The following ONECUT3 variants were observed in gnomAD, a reference collection of about 807,000 sequenced individuals.
ONECUT3 encodes the protein one cut homeobox 3, also known as one cut domain family member 3.
A neutral mutation model predicts 16.8 loss-of-function variants in ONECUT3; 11 were observed. The ratio of observed to expected loss-of-function variants is 0.66; its 90% confidence interval spans 0.41 to 1.09. The LOEUF is 1.09. Among genes scored for constraint, ONECUT3 ranks in the 50% least tolerant of loss-of-function variants. ONECUT3 has a pLI of 0.00. For missense variants in ONECUT3, 637 were observed against 629.9 expected, an observed-to-expected ratio of 1.01 and a Z score of -0.12; for synonymous variants, 344 against 310.7, an observed-to-expected ratio of 1.11 and a Z score of -1.13.
At chr19:1,765,215 G>T (rs1274373261) in intron 1 of ONECUT3, among the ~76,000 whole-genome samples, 1 of 152,120 alleles carries the variant, frequency 6.6e-6, no homozygotes, top group Admixed American at 6.5e-5. Context: ...GGACCTTGGG[G>T]ACCCCCCAGG....
At chr19:1,768,964 G>A (rs1227245795) in intron 1 of ONECUT3, among the ~76,000 whole-genome samples, 3 of 151,850 alleles carry the variant, frequency 2.0e-5, no homozygotes, top group Admixed American at 2.0e-4. Flanking sequence ...TGCTGGAGGT[G>A]GAGGTAATGG....
chr19:1,778,903 CACACACACA>C lies in ONECUT3; in HGVS notation c.*3459_*3467del, dbSNP rs2068133638. The C allele has an allele frequency of 6.6e-6, 1 of 151,842 alleles. No homozygotes were observed. The highest frequency in any genetic ancestry group is 1.5e-5 in the Non-Finnish European group (1 of 68,448). 9.4% of individuals were successfully genotyped at this position (151,842 alleles called of 1,614,324 possible). The stretch of plus-strand genomic sequence containing the variant: ...ACACACACACACACACACACACACA[CACACACACA>C]CCCCTACCTGTTTCCGGACCCCACC... On this transcript the variant is annotated 3_prime_UTR_variant, in exon 2 of 2. Transcript: ENST00000382349.
Position 1,776,132 on chromosome 19 carries a change from G to A in ONECUT3, c.*687G>A, listed in dbSNP as rs1276456982. ...TGCCTTAAAGTCTGGGGAGGGGCCT[G>A]CGGCGGGCGCCCAGCACCTACGGGC... On this transcript the variant is annotated 3_prime_UTR_variant, in exon 2 of 2. Transcript: ENST00000382349. This position sits in a 1 kb window ranked among gnomAD's most constrained non-coding sequence, Gnocchi z 4.9. The A allele has an allele frequency of 6.6e-6, 1 of 152,158 alleles. No homozygotes were observed. The highest frequency in any genetic ancestry group is 2.4e-5 in the African/African-American group (1 of 41,416). The allele number at this position is 152,158 out of a possible 1,614,324, so 9.4% of individuals were successfully genotyped here.
In ONECUT3 at chr19:1,754,610, A is replaced by C; in HGVS notation, c.948A>C (p.Ala316=). The part of the protein sequence containing the change: ...GGSGGGPSAG[A]AAEEINTKEV... ...GCGGCGGCGGCCCCAGCGCGGGCGC[A>C]GCGGCCGAGGAGATCAACACCAAGG... Residue 316 remains alanine (A), a synonymous_variant, in exon 1 of 2, where the codon GCA becomes GCC. Coordinates refer to ENST00000382349, the MANE Select transcript of ONECUT3 (RefSeq NM_001080488.2). The surrounding 1 kb of genome is among the most constrained non-coding windows in gnomAD (Gnocchi z 7.4). The C allele has an allele frequency of 7.3e-7, 1 of 1,377,268 alleles. No homozygotes were observed. The highest frequency in any genetic ancestry group is 9.5e-7 in the Non-Finnish European group (1 of 1,055,520). The allele number at this position is 1,377,268 out of a possible 1,614,324, so 85.3% of individuals were successfully genotyped here. A position where few individuals can be genotyped will look rare whatever the true frequency, so the allele number is the denominator to read the frequency against.
At chr19:1,756,214 G>A (rs1247151486) in intron 1 of ONECUT3, among the ~76,000 whole-genome samples, 1 of 152,184 alleles carries the variant, frequency 6.6e-6, no homozygotes, top group Non-Finnish European at 1.5e-5. Flanking sequence ...CCCCCTGGGA[G>A]CCTGGACCCA....
At chr19:1,770,387 T>C (rs937261267) in intron 1 of ONECUT3, among the ~76,000 whole-genome samples, 2 of 152,074 alleles carry the variant, frequency 1.3e-5, no homozygotes, top group African/African-American at 4.8e-5. Context: ...CAGTGAGTCA[T>C]GATTGCACCA....
Position 1,775,314 on chromosome 19 carries a change from G to A in ONECUT3, c.1354G>A (p.Gly452Ser), listed in dbSNP as rs1157054022. ...EMQVTISQQL[G>S]LELNTVSNFF... ...GCAGGTCACCATCTCGCAGCAGCTC[G>A]GCTTGGAGCTCAACACCGTCAGCAA... The change falls in exon 2 of 2, where the codon GGC becomes AGC. Residue 452 changes from glycine (G) to serine (S), a missense_variant. Transcript: ENST00000382349. 2 of 1,601,740 alleles carry A rather than the reference G, an allele frequency of 1.2e-6. No homozygotes were observed. Among genetic ancestry groups the A allele is most frequent in the Middle Eastern group, 1.7e-4 (1 of 5,922 alleles).
At position 1,758,742 on chromosome 19, in the gene ONECUT3, A is replaced by C. The variant is rs1044883596; in HGVS notation, c.1192+3888A>C. On this transcript the variant is annotated intron_variant, in intron 1 of 1. Coordinates refer to ENST00000382349, the MANE Select transcript of ONECUT3 (RefSeq NM_001080488.2). The surrounding 1 kb of genome is among the most constrained non-coding windows in gnomAD (Gnocchi z 5.9). ...AAGCTCTCCCCTGGCGCCGTCTCCA[A>C]CAGTAATTATGGGAGAGGGGCTGGG... 6.8e-6 allele frequency among the ~76,000 whole-genome samples: 1 copy of C among 146,552 alleles called. No individual in the cohort carries two copies. The highest frequency in any genetic ancestry group is 2.5e-5 in the African/African-American group (1 of 40,436).
chr19:1,779,628 A>G lies in ONECUT3; in HGVS notation c.*4183A>G, dbSNP rs1426362664. 1 of 137,198 alleles carries G rather than the reference A, an allele frequency of 7.3e-6. No individual in the cohort carries two copies. The highest frequency in any genetic ancestry group is 2.2e-4 in the East Asian group (1 of 4,528). 8.5% of individuals were successfully genotyped at this position (137,198 alleles called of 1,614,324 possible). On this transcript the variant is annotated 3_prime_UTR_variant, in exon 2 of 2. Transcript: ENST00000382349. ...GACAAAATGGAATTTGAGTTGGTGCATGACTAATGTACTCTTTCTTGACGC... is the reference window on the plus strand; with the variant it reads ...GACAAAATGGAATTTGAGTTGGTGCGTGACTAATGTACTCTTTCTTGACGC...
chr19:1,762,215 G>C lies in ONECUT3; in HGVS notation c.1192+7361G>C, dbSNP rs1319684000. 6.6e-6 allele frequency among the ~76,000 whole-genome samples: 1 copy of C among 152,210 alleles called. No homozygotes were observed. Among genetic ancestry groups the C allele is most frequent in the Non-Finnish European group, 1.5e-5 (1 of 68,030 alleles). On this transcript the variant is annotated intron_variant, in intron 1 of 1. Transcript: ENST00000382349. The surrounding 1 kb of genome is among the most constrained non-coding windows in gnomAD (Gnocchi z 4.4). ...GTGCTGGCTGCTGGGGGTCCTGCGT[G>C]CCTTCCGCGCGCCCCCAGCTGCGCC...
intron 1 of ONECUT3, among the ~76,000 whole-genome samples, chr19:1,761,372 C>T (rs1600341473): frequency 6.6e-6 from 1 of 152,148 alleles, no homozygotes; most frequent in Non-Finnish European, 1.5e-5. Context: ...TTCTCACTGC[C>T]GTCTCCCCCA....
rs1326219565 is a variant in ONECUT3, at chr19:1,766,039, C to T, written c.1193-9114C>T. On this transcript the variant is annotated intron_variant, in intron 1 of 1. Transcript: ENST00000382349. The surrounding 1 kb of genome is among the most constrained non-coding windows in gnomAD (Gnocchi z 4.0). The stretch of plus-strand genomic sequence containing the variant: ...TGCCTCATCCACCGCCCGTCCAAGG[C>T]CCCACAAGCTGATGCCGGTTTTCCC... Among the ~76,000 whole-genome samples the T allele has an allele frequency of 6.6e-6, 1 of 152,274 alleles. No homozygotes were observed.
At position 1,767,070 on chromosome 19, in the gene ONECUT3, T is replaced by G. The variant is rs540036804; in HGVS notation, c.1193-8083T>G. On this transcript the variant is annotated intron_variant, in intron 1 of 1. Transcript: ENST00000382349. ...GAGGAATGTGTAGGAGTTCTCTGGC[T>G]GGAGTGACCCAACTTTCTACTCTTG... is the stretch of plus-strand genomic sequence containing the variant. Among the ~76,000 whole-genome samples, 11 of 152,170 alleles carry G rather than the reference T, an allele frequency of 7.2e-5. No homozygotes were observed. In the South Asian group the frequency reaches 2.3e-3, roughly 32 times the overall value.
At chr19:1,774,966 C>T (rs1202296534) in intron 1 of ONECUT3, among the ~76,000 whole-genome samples, 187 bp from the exon 2 acceptor site, 2 of 152,132 alleles carry the variant, frequency 1.3e-5, no homozygotes, top group East Asian at 1.9e-4. Flanking sequence ...TCTCCCCCTC[C>T]GCCTCTCCCT....
chr19:1,772,687 T>C (rs12976822), intron 1 of ONECUT3, among the ~76,000 whole-genome samples: 1 of 14,298 alleles, frequency 7.0e-5, no homozygotes, highest in Non-Finnish European at 1.9e-4. Context: ...TGCTTTACTC[T>C]TTTTTTTTTT....
rs750736848 is a variant in ONECUT3, at chr19:1,769,251, T to TGGA, written c.1193-5890_1193-5888dup. Among the ~76,000 whole-genome samples, 642 of 149,742 alleles carry TGGA rather than the reference T, an allele frequency of 4.3e-3. 9 individuals carry two copies. The highest frequency in any genetic ancestry group is 0.015 in the African/African-American group (608 of 40,570). On this transcript the variant is annotated intron_variant, in intron 1 of 1. Transcript: ENST00000382349. ...GAGGAGGTGGAGGTGCTGGAGGTGGTGGAGGAGGAGGAGGTGCTGGAGTTG... is the reference window on the plus strand; with the variant it reads ...GAGGAGGTGGAGGTGCTGGAGGTGGTGGAGGAGGAGGAGGAGGTGCTGGAGTTG...
intron 1 of ONECUT3, among the ~76,000 whole-genome samples, chr19:1,770,122 G>C (rs1450361603): frequency 1.3e-5 from 2 of 152,172 alleles, no homozygotes; most frequent in African/African-American, 2.4e-5. Context: ...GCTGGGTACT[G>C]TGATTCATGC....
At chr19:1,770,700 T>C (rs1351695707) in intron 1 of ONECUT3, among the ~76,000 whole-genome samples, 1 of 152,244 alleles carries the variant, frequency 6.6e-6, no homozygotes, top group Non-Finnish European at 1.5e-5. Context: ...TTTGAAAGAA[T>C]GGAGGACTGG....
rs887685116 is a variant in ONECUT3, at chr19:1,758,592, G to C, written c.1192+3738G>C. Among the ~76,000 whole-genome samples, 1 of 152,190 alleles carries C rather than the reference G, an allele frequency of 6.6e-6. No homozygotes were observed. The highest frequency in any genetic ancestry group is 2.4e-5 in the African/African-American group (1 of 41,448). Reference sequence around the variant, plus strand: ...CCGAATTCTGGGTCTGACACTGTCAGATTCTGGACCCCGTCGTCTGGGAGT... The same window carrying C: ...CCGAATTCTGGGTCTGACACTGTCACATTCTGGACCCCGTCGTCTGGGAGT... On this transcript the variant is annotated intron_variant, in intron 1 of 1. Transcript: ENST00000382349. This position sits in a 1 kb window ranked among gnomAD's most constrained non-coding sequence, Gnocchi z 5.9.
Sources: gnomAD v4.1 joint callset for allele counts (sites outside exome capture counted in the v4.1 genomes callset) on GRCh38, gnomAD v4.1.1 for gene constraint, Gnocchi (gnomAD v3.1) non-coding constraint, MANE v1.5 for transcripts, NCBI Gene and HGNC (gene_info 2026-07-23, HGNC 2026-07-21) for gene names.